GNG12: variants seen among roughly 807,000 people sequenced by gnomAD.
The protein encoded by GNG12 is guanine nucleotide-binding protein G(I)/G(S)/G(O) subunit gamma-12.
For synonymous variants in GNG12, 28 were observed against 29.7 expected, an observed-to-expected ratio of 0.94 and a Z score of 0.19; for missense variants, 69 against 83.8, an observed-to-expected ratio of 0.82 and a Z score of 0.69.
intron 1 of GNG12, among the ~76,000 whole-genome samples, chr1:67,831,940 C>G (rs555420329): frequency 3.9e-5 from 6 of 152,326 alleles, no homozygotes; most frequent in African/African-American, 1.4e-4. Flanking sequence ...AGCTGCGAAG[C>G]GCTGGCAAGG....
At chr1:67,826,845 C>A (rs538453257) in intron 1 of GNG12, among the ~76,000 whole-genome samples, 9 of 152,176 alleles carry the variant, frequency 5.9e-5, no homozygotes, top group African/African-American at 2.2e-4. Context: ...ATAATTTATC[C>A]CCCCAAAACA....
intron 2 of GNG12, among the ~76,000 whole-genome samples, chr1:67,722,899 ATGT>A (rs1243304665): frequency 6.6e-6 from 1 of 152,144 alleles, no homozygotes. Context: ...CTGCCACTTA[ATGT>A]TGTATAATAT....
chr1:67,749,021 T>C (rs1362762977), intron 2 of GNG12, among the ~76,000 whole-genome samples: 1 of 151,918 alleles, frequency 6.6e-6, no homozygotes, highest in Non-Finnish European at 1.5e-5. Context: ...TTCCAAGGAC[T>C]TTCCCTCTTC....
rs577345564 is a variant in GNG12, at chr1:67,828,202, C to G, written c.-77+5142G>C. Among the ~76,000 whole-genome samples, 7 of 152,306 alleles carry G rather than the reference C, an allele frequency of 4.6e-5. No individual in the cohort carries two copies. In the East Asian group the frequency reaches 1.4e-3, roughly 29 times the overall value. On this transcript the variant is annotated intron_variant, in intron 1 of 3. Coordinates refer to ENST00000370982, the MANE Select transcript of GNG12 (RefSeq NM_018841.6). ...GCGCTTCAGGCCTGCTGGGTCTCAGCAGCCATTTGGAAGTGTTAACTGCTA... is the reference window on the plus strand; with the variant it reads ...GCGCTTCAGGCCTGCTGGGTCTCAGGAGCCATTTGGAAGTGTTAACTGCTA...
intron 1 of GNG12, among the ~76,000 whole-genome samples, chr1:67,804,295 A>G (rs924782457): frequency 6.6e-6 from 1 of 152,214 alleles, no homozygotes; most frequent in African/African-American, 2.4e-5. Flanking sequence ...AAAGGCAACC[A>G]AAGTGCTTTA....
chr1:67,810,966 A>T (rs1248649065), intron 1 of GNG12, among the ~76,000 whole-genome samples: 2 of 152,206 alleles, frequency 1.3e-5, no homozygotes, highest in East Asian at 3.9e-4. Flanking sequence ...TGCTAGAATC[A>T]GTGGTTCGAC....
chr1:67,722,180 A>G (rs1049985879), intron 2 of GNG12, among the ~76,000 whole-genome samples: 2 of 152,140 alleles, frequency 1.3e-5, no homozygotes, highest in African/African-American at 4.8e-5. Flanking sequence ...AAATGAGGCA[A>G]CTGGCACATG....
Position 67,777,523 on chromosome 1 carries a change from A to G in GNG12, c.-76-16T>C. 1 of 728,614 alleles carries G rather than the reference A, an allele frequency of 1.4e-6. No individual in the cohort carries two copies. The highest frequency in any genetic ancestry group is 1.9e-5 in the African/African-American group (1 of 52,598). 45.1% of individuals were successfully genotyped at this position (728,614 alleles called of 1,614,324 possible). A position where few individuals can be genotyped will look rare whatever the true frequency, so the allele number is the denominator to read the frequency against. The stretch of plus-strand genomic sequence containing the variant: ...TGGAATGAATCTGAAATAGAATTAA[A>G]TAAACATTCCATAAGTAAATCACAT... On this transcript the variant is annotated splice_polypyrimidine_tract_variant and intron_variant, in intron 1 of 3. Transcript: ENST00000370982.
intron 2 of GNG12, among the ~76,000 whole-genome samples, chr1:67,744,348 T>C (rs988859571): frequency 1.3e-4 from 20 of 152,180 alleles, no homozygotes; most frequent in African/African-American, 4.8e-4. Context: ...AGCAGAGTTT[T>C]TGTACTGCCA....
intron 1 of GNG12, among the ~76,000 whole-genome samples, chr1:67,799,344 T>C (rs1646851302): frequency 6.6e-6 from 1 of 152,180 alleles, no homozygotes. Flanking sequence ...CGTTTATTTG[T>C]CTCTCCAGGG....
At chr1:67,774,211 T>C (rs939771220) in intron 2 of GNG12, among the ~76,000 whole-genome samples, 1 of 152,208 alleles carries the variant, frequency 6.6e-6, no homozygotes, top group African/African-American at 2.4e-5. Flanking sequence ...CTGGTACTGA[T>C]TGCTCAGAAG....
rs1056228398 is a variant in GNG12, at chr1:67,716,063, G to C, written c.-26-8351C>G. ...AGTTATGAGAGCAAAGAGCAAAAGA[G>C]AACATGTTGCTGGCTTACAGGCAAG... On this transcript the variant is annotated intron_variant, in intron 2 of 3. Coordinates refer to ENST00000370982, the MANE Select transcript of GNG12 (RefSeq NM_018841.6). Among the ~76,000 whole-genome samples the C allele has an allele frequency of 5.4e-4, 82 of 152,190 alleles. 1 individual carries two copies. The highest frequency in any genetic ancestry group is 8.8e-5 in the Non-Finnish European group (6 of 68,030).
intron 1 of GNG12, among the ~76,000 whole-genome samples, chr1:67,797,449 T>C (rs1646838382): frequency 1.3e-5 from 2 of 152,150 alleles, no homozygotes. Context: ...CCATGGCTTG[T>C]TGAACACTGA....
At position 67,703,651 on chromosome 1, in the gene GNG12, G is replaced by C. The variant is rs1326121677; in HGVS notation, c.*1800C>G. On this transcript the variant is annotated 3_prime_UTR_variant, in exon 4 of 4. Transcript: ENST00000370982. ...TGATTTGGGAACTGGGCATATCGCA[G>C]AACGAAAAAGCAGATGACACAAGGC... 3 of 152,174 alleles carry C rather than the reference G, an allele frequency of 2.0e-5. No homozygotes were observed. The highest frequency in any genetic ancestry group is 7.2e-5 in the African/African-American group (3 of 41,448). 9.4% of individuals were successfully genotyped at this position (152,174 alleles called of 1,614,324 possible).
At chr1:67,730,225 T>C (rs1262418625) in intron 2 of GNG12, among the ~76,000 whole-genome samples, 1 of 152,040 alleles carries the variant, frequency 6.6e-6, no homozygotes, top group African/African-American at 2.4e-5. Flanking sequence ...GGAGACTGGG[T>C]GTGGTGACTT....
chr1:67,742,825 A>G (rs1455129476), intron 2 of GNG12, among the ~76,000 whole-genome samples: 3 of 151,874 alleles, frequency 2.0e-5, no homozygotes, highest in Non-Finnish European at 4.4e-5. Flanking sequence ...TAATAGAAAT[A>G]GCTCATGTTT....
chr1:67,719,215 C>T (rs1489299701), intron 2 of GNG12, among the ~76,000 whole-genome samples: 1 of 152,202 alleles, frequency 6.6e-6, no homozygotes, highest in African/African-American at 2.4e-5. Context: ...AATTCTCTGT[C>T]TTCTTCTCTT....
intron 2 of GNG12, among the ~76,000 whole-genome samples, chr1:67,741,003 A>C (rs575463915): frequency 2.0e-4 from 31 of 152,300 alleles, no homozygotes; most frequent in Admixed American, 3.9e-4. Flanking sequence ...TTAAAAAAAA[A>C]CCCAAACTAA....
chr1:67,832,039 G>A (rs558084593), intron 1 of GNG12, among the ~76,000 whole-genome samples: 39 of 152,302 alleles, frequency 2.6e-4, no homozygotes, highest in African/African-American at 8.4e-4. Context: ...TGCCTCTGAC[G>A]ACATCCAAAA....
Sources: allele counts gnomAD v4.1 joint callset (sites outside exome capture counted in the v4.1 genomes callset), GRCh38; gene constraint gnomAD v4.1.1; transcripts MANE v1.5; gene names NCBI Gene and HGNC (gene_info 2026-07-23, HGNC 2026-07-21).